Variants in PRPF6 observed in about 807,000 individuals in gnomAD.
PRPF6 encodes pre-mRNA processing factor 6.
PRPF6 carries 42 observed loss-of-function variants against 118.3 expected under a neutral mutation model. That is an observed-to-expected ratio of 0.35 (90% CI 0.28 to 0.46). The LOEUF (loss-of-function observed/expected upper bound fraction) is 0.46, where lower values mean the gene tolerates loss of function less well. Ranked by LOEUF, PRPF6 falls within the 20% of genes least tolerant of loss-of-function variation. The pLI is 1.00. For synonymous variants in PRPF6, 481 were observed against 485.1 expected, an observed-to-expected ratio of 0.99 and a Z score of 0.11; for missense variants, 662 against 1,255.7, an observed-to-expected ratio of 0.53 and a Z score of 7.15.
chr20:64,001,255 A>T lies in PRPF6; in HGVS notation c.1186+16A>T, dbSNP rs369143645. 2.5e-6 allele frequency: 4 copies of T among 1,614,112 alleles called. No individual in the cohort carries two copies. Among genetic ancestry groups the T allele is most frequent in the Non-Finnish European group, 3.4e-6 (4 of 1,179,956 alleles). ...CTTCGGAAAGGTGAGCCTCCCTCGG[A>T]GGTGCTGCTTTCTCCCTCCTTGGGG... On this transcript the variant is annotated intron_variant, in intron 9 of 20. Transcript: ENST00000266079.
chr20:63,992,078 C>A (rs2059121179), intron 3 of PRPF6, among the ~76,000 whole-genome samples: 1 of 151,930 alleles, frequency 6.6e-6, no homozygotes, highest in Admixed American at 6.6e-5. Context: ...ACTGTTTTTC[C>A]TTGTAGGTGT....
chr20:63,996,236 G>C (rs940728153), intron 6 of PRPF6, among the ~76,000 whole-genome samples: 7 of 152,182 alleles, frequency 4.6e-5, no homozygotes, highest in African/African-American at 1.7e-4. Context: ...CTACTTGGGA[G>C]GCTAAGGCAG....
Position 64,014,675 on chromosome 20 carries a change from A to AAAATAAAATG in PRPF6, c.1525-2037_1525-2028dup, listed in dbSNP as rs375725146. Among the ~76,000 whole-genome samples, 871 of 152,284 alleles carry AAAATAAAATG rather than the reference A, an allele frequency of 5.7e-3. 11 individuals are homozygous for AAAATAAAATG. Among genetic ancestry groups the AAAATAAAATG allele is most frequent in the African/African-American group, 0.02 (825 of 41,546 alleles). Reference sequence around the variant, plus strand: ...CTCTGTCTCAAAAAATAAATAAAATAAAATAAAATGAAATAAAATGCGTGT... The same window carrying AAAATAAAATG: ...CTCTGTCTCAAAAAATAAATAAAATAAAATAAAATGAAATAAAATGAAATAAAATGCGTGT... On this transcript the variant is annotated intron_variant, in intron 11 of 20. Coordinates refer to ENST00000266079, the MANE Select transcript of PRPF6 (RefSeq NM_012469.4).
chr20:64,023,085 C>T (rs1205946971), intron 13 of PRPF6, among the ~76,000 whole-genome samples: 1 of 152,202 alleles, frequency 6.6e-6, no homozygotes, highest in East Asian at 1.9e-4. Flanking sequence ...AGCAATGATA[C>T]CATTTTCTAG....
intron 3 of PRPF6, among the ~76,000 whole-genome samples, 177 bp from the exon 4 acceptor site, chr20:63,993,230 G>A (rs1484802257): frequency 6.1e-5 from 7 of 115,236 alleles, no homozygotes; most frequent in Admixed American, 2.6e-4. Context: ...AAAAAAATGT[G>A]TGTGTGTGTG....
rs150145210 is a variant in PRPF6, at chr20:64,030,550, A to G, written c.2546+1059A>G. Among the ~76,000 whole-genome samples, 22 of 152,194 alleles carry G rather than the reference A, an allele frequency of 1.4e-4. 1 individual carries two copies. In the East Asian group the frequency reaches 4.1e-3, roughly 28 times the overall value. On this transcript the variant is annotated intron_variant, in intron 19 of 20. Coordinates refer to ENST00000266079, the MANE Select transcript of PRPF6 (RefSeq NM_012469.4). ...CCCGCAGGCCCCCGACAGATGAGAG[A>G]GGCTCCCCACAGGGAGGCTTGTGTC... is the stretch of plus-strand genomic sequence containing the variant.
chr20:64,032,165 A>T (rs2059317878), intron 20 of PRPF6, 121 bp downstream of exon 20: 8 of 1,488,404 alleles, frequency 5.4e-6, no homozygotes, highest in Non-Finnish European at 7.4e-6. Flanking sequence ...GGTCGGGAGG[A>T]TGGACCGGGT....
rs972750804 is a variant in PRPF6, at chr20:64,027,265, T to TG, written c.2205+112dup. 2 of 1,416,536 alleles carry TG rather than the reference T, an allele frequency of 1.4e-6. No individual in the cohort carries two copies. The highest frequency in any genetic ancestry group is 1.9e-5 in the Admixed American group (1 of 51,610). The allele number at this position is 1,416,536 out of a possible 1,614,324, so 87.7% of individuals were successfully genotyped here. On this transcript the variant is annotated intron_variant, in intron 16 of 20. Transcript: ENST00000266079. This position sits in a 1 kb window ranked among gnomAD's most constrained non-coding sequence, Gnocchi z 6.5. ...TCGCCTCTGAGGAGATGTGGAGGGC[T>TG]GGGGGTTACAGCTGATGGAGCTGCA...
At chr20:64,000,535 A>G (rs1192706328) in intron 8 of PRPF6, among the ~76,000 whole-genome samples, 2 of 150,776 alleles carry the variant, frequency 1.3e-5, no homozygotes, top group Non-Finnish European at 3.0e-5. Context: ...AGTTGTCCTG[A>G]AGGAAATCAT....
chr20:64,029,128 T>C lies in PRPF6; in HGVS notation c.2432-249T>C, dbSNP rs1034959181. ...GTTGCAGTGAGCTGAGATTGCGCCA[T>C]TGCACTCCACCCTGAATGACAGAGT... On this transcript the variant is annotated intron_variant, in intron 18 of 20. Coordinates refer to ENST00000266079, the MANE Select transcript of PRPF6 (RefSeq NM_012469.4). This position sits in a 1 kb window ranked among gnomAD's most constrained non-coding sequence, Gnocchi z 4.8. Among the ~76,000 whole-genome samples the C allele has an allele frequency of 8.5e-5, 13 of 152,146 alleles. No homozygotes were observed. The highest frequency in any genetic ancestry group is 2.9e-4 in the African/African-American group (12 of 41,444).
intron 19 of PRPF6, 103 bp from the exon 20 acceptor site, chr20:64,031,815 C>T (rs1209009765): frequency 2.0e-6 from 3 of 1,518,554 alleles, no homozygotes; most frequent in African/African-American, 2.7e-5. Flanking sequence ...AGCACCAGGG[C>T]TGCGGGTCAG....
chr20:64,000,897 GC>G (rs1402959320), intron 8 of PRPF6, among the ~76,000 whole-genome samples, 179 bp from the exon 9 acceptor site: 1 of 152,190 alleles, frequency 6.6e-6, no homozygotes, highest in Non-Finnish European at 1.5e-5. Flanking sequence ...ACATATGGTA[GC>G]CATGTTCCCA....
At chr20:64,032,622 G>T (rs2059320242) in intron 20 of PRPF6, among the ~76,000 whole-genome samples, 1 of 152,234 alleles carries the variant, frequency 6.6e-6, no homozygotes, top group East Asian at 1.9e-4. Context: ...TCATCTGTGG[G>T]CTGAGGCTGG....
At chr20:64,025,486 A>T (rs1168207371) in intron 14 of PRPF6, among the ~76,000 whole-genome samples, 1 of 152,156 alleles carries the variant, frequency 6.6e-6, no homozygotes, top group Non-Finnish European at 1.5e-5. Context: ...TGTCAGTGGC[A>T]CCCTGGGAGT....
At chr20:63,993,261 TG>T (rs1347960910) in intron 3 of PRPF6, 145 bp from the exon 4 acceptor site, 1 of 331,858 alleles carries the variant, frequency 3.0e-6, no homozygotes, top group Admixed American at 4.0e-5. Context: ...TGTGTGTGTG[TG>T]TATATGTATA....
In PRPF6 at chr20:64,026,277, C is replaced by T. The variant is rs1465780154; in HGVS notation, c.2028+219C>T. 2.0e-5 allele frequency among the ~76,000 whole-genome samples: 3 copies of T among 151,854 alleles called. No individual in the cohort carries two copies. The highest frequency in any genetic ancestry group is 1.9e-4 in the East Asian group (1 of 5,182). ...ATCTCAGCACTTTGGGAGGCCAAGG[C>T]GGACAGATCACCTGAGGGTGGGAGT... is the stretch of plus-strand genomic sequence containing the variant. On this transcript the variant is annotated intron_variant, in intron 15 of 20. Transcript: ENST00000266079. This position sits in a 1 kb window ranked among gnomAD's most constrained non-coding sequence, Gnocchi z 4.4.
At chr20:63,999,865 C>T in intron 8 of PRPF6, 106 bp downstream of exon 8, 1 of 1,394,696 alleles carries the variant, frequency 7.2e-7, no homozygotes, top group Non-Finnish European at 9.9e-7. Flanking sequence ...ATTGAAACTA[C>T]AGACAATAGG....
rs531165266 is a variant in PRPF6 at position 64,005,454 on chromosome 20, G to A, written c.1186+4215G>A. Among the ~76,000 whole-genome samples, 6 of 152,248 alleles carry A rather than the reference G, an allele frequency of 3.9e-5. No individual in the cohort carries two copies. In the East Asian group the frequency reaches 1.2e-3, roughly 29 times the overall value. ...GTGAGAGCGCACAGGAAAAACAACT[G>A]GGTCGTTCTGTGTCTTCTCTCTATG... On this transcript the variant is annotated intron_variant, in intron 9 of 20. Transcript: ENST00000266079.
intron 11 of PRPF6, among the ~76,000 whole-genome samples, chr20:64,016,056 T>C (rs896990341): frequency 1.3e-5 from 2 of 151,906 alleles, no homozygotes; most frequent in Non-Finnish European, 2.9e-5. Flanking sequence ...AGTTGGAAGC[T>C]GCAGTGAACT....
Sources: gnomAD v4.1 joint callset for allele counts (sites outside exome capture counted in the v4.1 genomes callset) on GRCh38, gnomAD v4.1.1 for gene constraint, Gnocchi (gnomAD v3.1) non-coding constraint, MANE v1.5 for transcripts, NCBI Gene and HGNC (gene_info 2026-07-23, HGNC 2026-07-21) for gene names.